Variants in BBX observed in about 807,000 individuals in gnomAD.
BBX encodes the protein HMG box transcription factor BBX.
A neutral mutation model predicts 100.2 loss-of-function variants in BBX; 30 were observed. The ratio of observed to expected loss-of-function variants is 0.30; its 90% CI spans 0.22 to 0.41. The LOEUF is 0.41. BBX is among the 10% of genes least tolerant of loss of function. BBX has a pLI of 1.00. For missense variants in BBX, 1,023 were observed against 1,129.8 expected (o/e 0.91, Z 1.35); for synonymous variants, 376 against 388.1 (o/e 0.97, Z 0.37).
intron 3 of BBX, among the ~76,000 whole-genome samples, chr3:107,651,660 T>C (rs2057845611): frequency 6.6e-6 from 1 of 152,192 alleles, no homozygotes; most frequent in Admixed American, 6.5e-5. Context: ...CTTAAGATTT[T>C]TGGTAAACAG....
chr3:107,715,184 G>T (rs1400556687), intron 4 of BBX, among the ~76,000 whole-genome samples: 1 of 152,172 alleles, frequency 6.6e-6, no homozygotes, highest in Non-Finnish European at 1.5e-5. Flanking sequence ...GAACATGGTT[G>T]CCTTAAAGTT....
At chr3:107,557,554 C>G (rs772355694) in intron 2 of BBX, among the ~76,000 whole-genome samples, 3 of 152,196 alleles carry the variant, frequency 2.0e-5, no homozygotes, top group Non-Finnish European at 4.4e-5. Context: ...TAAGGTCTTA[C>G]TCATATACAT....
At chr3:107,792,725 C>T (rs1162092029) in intron 15 of BBX, among the ~76,000 whole-genome samples, 1 of 152,116 alleles carries the variant, frequency 6.6e-6, no homozygotes, top group African/African-American at 2.4e-5. Context: ...GATACATTAG[C>T]TCTTGTATAT....
chr3:107,695,793 G>C (rs1196928244), intron 3 of BBX, among the ~76,000 whole-genome samples: 3 of 151,372 alleles, frequency 2.0e-5, no homozygotes, highest in Non-Finnish European at 4.4e-5. Context: ...GTTGACAGTG[G>C]GGTGTTAAAG....
chr3:107,643,606 G>A (rs923109483), intron 2 of BBX, among the ~76,000 whole-genome samples: 1 of 151,942 alleles, frequency 6.6e-6, no homozygotes, highest in Non-Finnish European at 1.5e-5. Flanking sequence ...ATCTGCCCAG[G>A]CGTTGGTCTC....
intron 2 of BBX, among the ~76,000 whole-genome samples, chr3:107,572,291 T>C: frequency 6.6e-6 from 1 of 152,224 alleles, no homozygotes; most frequent in East Asian, 1.9e-4. Flanking sequence ...AGCGAAAGAC[T>C]TTGTGACAAT....
At chr3:107,735,855 G>A (rs562552175) in intron 7 of BBX, among the ~76,000 whole-genome samples, 17 of 151,346 alleles carry the variant, frequency 1.1e-4, no homozygotes, top group Admixed American at 3.3e-4. Context: ...TAGATTTTTT[G>A]CATTATTATT....
At chr3:107,573,325 C>T (rs890654896) in intron 2 of BBX, among the ~76,000 whole-genome samples, 37 of 152,026 alleles carry the variant, frequency 2.4e-4, no homozygotes, top group African/African-American at 8.7e-4. Flanking sequence ...TTTGGGAGGC[C>T]GATGCGGGTG....
intron 2 of BBX, among the ~76,000 whole-genome samples, chr3:107,576,199 G>GA (rs2051759180): frequency 6.6e-6 from 1 of 152,186 alleles, no homozygotes; most frequent in South Asian, 2.1e-4. Flanking sequence ...CAGATGTGGG[G>GA]AAACTGGGGC....
At chr3:107,694,427 G>A (rs2108111707) in intron 3 of BBX, among the ~76,000 whole-genome samples, 1 of 146,326 alleles carries the variant, frequency 6.8e-6, no homozygotes, top group South Asian at 2.2e-4. Context: ...TTTGTCAAAG[G>A]CCTTTTCTGC....
chr3:107,556,616 C>G (rs966677862), intron 2 of BBX, among the ~76,000 whole-genome samples: 1 of 152,124 alleles, frequency 6.6e-6, no homozygotes, highest in African/African-American at 2.4e-5. Flanking sequence ...TTAGGAAATG[C>G]GTGTTAAGGC....
chr3:107,579,060 A>G (rs958197976), intron 2 of BBX, among the ~76,000 whole-genome samples: 1 of 152,148 alleles, frequency 6.6e-6, no homozygotes. Flanking sequence ...TCGTAATGAG[A>G]GGGATTACCC....
chr3:107,724,329 T>G (rs1576510652), intron 5 of BBX, among the ~76,000 whole-genome samples: 1 of 152,200 alleles, frequency 6.6e-6, no homozygotes, highest in East Asian at 1.9e-4. Context: ...ATGAGTAGAT[T>G]GCAAAAATTT....
chr3:107,700,855 G>C (rs1052817302), intron 3 of BBX, among the ~76,000 whole-genome samples: 1 of 151,714 alleles, frequency 6.6e-6, no homozygotes, highest in Non-Finnish European at 1.5e-5. Context: ...GGACATTTGG[G>C]TTGGTTCCAA....
At chr3:107,744,550 C>A in intron 7 of BBX, 80 bp from the exon 8 acceptor site, 2 of 1,047,050 alleles carry the variant, frequency 1.9e-6, no homozygotes, top group Non-Finnish European at 2.9e-6. Flanking sequence ...ATAAAGATCG[C>A]AAATGAAGAT....
At chr3:107,717,910 C>T (rs1215872673) in intron 5 of BBX, among the ~76,000 whole-genome samples, 2 of 151,952 alleles carry the variant, frequency 1.3e-5, no homozygotes, top group Non-Finnish European at 2.9e-5. Context: ...CCCTGTCACC[C>T]AAACACTTGG....
At chr3:107,528,638 T>C (rs1475950604) in intron 2 of BBX, among the ~76,000 whole-genome samples, 2 of 152,342 alleles carry the variant, frequency 1.3e-5, no homozygotes, top group East Asian at 3.9e-4. Context: ...AACAGATTCA[T>C]GTAGACATTG....
At chr3:107,641,312 T>C (rs1347633005) in intron 2 of BBX, among the ~76,000 whole-genome samples, 1 of 152,124 alleles carries the variant, frequency 6.6e-6, no homozygotes, top group Non-Finnish European at 1.5e-5. Context: ...TTTGAACTAT[T>C]GAGCTCAAGT....
chr3:107,700,238 A>G (rs1032282744), intron 3 of BBX, among the ~76,000 whole-genome samples: 4 of 151,682 alleles, frequency 2.6e-5, no homozygotes, highest in Non-Finnish European at 2.9e-5. Context: ...AGGGAAACAT[A>G]TAGATTGGGA....
Sources: allele counts gnomAD v4.1 joint callset (sites outside exome capture counted in the v4.1 genomes callset), GRCh38; gene constraint gnomAD v4.1.1; transcripts MANE v1.5; gene names NCBI Gene and HGNC (gene_info 2026-07-23, HGNC 2026-07-21).